The following RORB variants were observed in gnomAD, a reference collection of about 807,000 sequenced individuals.
The protein encoded by RORB is RAR related orphan receptor B, also known as nuclear receptor ROR-beta.
Under a neutral mutation model 59.1 loss-of-function variants are expected in RORB, and 6 were observed. The ratio of observed to expected loss-of-function variants is 0.10; its 90% CI spans 0.06 to 0.20. The LOEUF (loss-of-function observed/expected upper bound fraction) is 0.20. RORB is among the 10% of genes least tolerant of loss of function. The probability of loss-of-function intolerance (pLI) is 1.00; values close to 1 mark genes in which losing one functional copy is unlikely to be tolerated. For synonymous variants in RORB, 215 were observed against 204.5 expected (o/e 1.05, Z -0.44); for missense variants, 320 against 560.5 (o/e 0.57, Z 4.33).
intron 1 of RORB, among the ~76,000 whole-genome samples, chr9:74,576,249 T>C (rs1430121691): frequency 6.6e-6 from 1 of 152,116 alleles, no homozygotes; most frequent in Non-Finnish European, 1.5e-5. Context: ...ATGAAAGCTT[T>C]TGTGGATGCA....
At chr9:74,559,471 A>G (rs1822362558) in intron 1 of RORB, among the ~76,000 whole-genome samples, 1 of 152,320 alleles carries the variant, frequency 6.6e-6, no homozygotes, top group East Asian at 1.9e-4. Flanking sequence ...CCCATTTCAT[A>G]TAACCTTAGC....
intron 1 of RORB, among the ~76,000 whole-genome samples, chr9:74,507,825 A>G (rs1825889500): frequency 6.6e-6 from 1 of 152,036 alleles, no homozygotes; most frequent in African/African-American, 2.4e-5. Flanking sequence ...AAGACTTTTA[A>G]AGAAAGGAGA....
At chr9:74,578,642 A>C (rs180695119) in intron 1 of RORB, among the ~76,000 whole-genome samples, 1 of 151,134 alleles carries the variant, frequency 6.6e-6, no homozygotes, top group Non-Finnish European at 1.5e-5. Context: ...GCTGTAAAAG[A>C]TATTTTATTT....
At chr9:74,644,224 T>C (rs1274999228) in intron 4 of RORB, among the ~76,000 whole-genome samples, 11 of 152,180 alleles carry the variant, frequency 7.2e-5, no homozygotes. Flanking sequence ...TTCTCCCTTT[T>C]AGCAATGCAG....
intron 1 of RORB, among the ~76,000 whole-genome samples, chr9:74,531,614 A>G (rs879674342): frequency 6.6e-6 from 1 of 152,044 alleles, no homozygotes; most frequent in Non-Finnish European, 1.5e-5. Context: ...TAACCACTGC[A>G]TAATTGCCTT....
At chr9:74,625,180 A>C (rs1823488879) in intron 1 of RORB, among the ~76,000 whole-genome samples, 1 of 152,206 alleles carries the variant, frequency 6.6e-6, no homozygotes, top group Admixed American at 6.5e-5. Flanking sequence ...CAGGTGATTT[A>C]TGTGGTAGAG....
At chr9:74,664,908 G>A (rs925697968) in intron 6 of RORB, among the ~76,000 whole-genome samples, 5 of 152,206 alleles carry the variant, frequency 3.3e-5, no homozygotes, top group African/African-American at 1.2e-4. Context: ...TGTTAATAAT[G>A]CTCAAAGGGA....
At chr9:74,514,386 C>T (rs1825981189) in intron 1 of RORB, among the ~76,000 whole-genome samples, 1 of 151,942 alleles carries the variant, frequency 6.6e-6, no homozygotes, top group Non-Finnish European at 1.5e-5. Flanking sequence ...CATAAAATGT[C>T]AGAGTAGCAC....
chr9:74,660,708 C>T lies in RORB; in HGVS notation c.729C>T (p.Thr243=), dbSNP rs759254430. 6.2e-7 allele frequency: 1 copy of T among 1,613,556 alleles called. No homozygotes were observed. Among genetic ancestry groups the T allele is most frequent in the Non-Finnish European group, 8.5e-7 (1 of 1,179,826 alleles). Residue 243 remains threonine, a synonymous_variant, in exon 5 of 10, where the codon ACC becomes ACT. Coordinates refer to ENST00000376896, the MANE Select transcript of RORB (RefSeq NM_006914.4). ...ACCAGCTGGCGTGGCAGACCCACACCTATGAAGAAATTAAAGCATATCAAA... is the reference window on the plus strand; with the variant it reads ...ACCAGCTGGCGTGGCAGACCCACACTTATGAAGAAATTAAAGCATATCAAA... The part of the protein sequence containing the change: ...ELHQLAWQTH[T]YEEIKAYQSK...
chr9:74,636,720 C>T (rs972132432), intron 3 of RORB, among the ~76,000 whole-genome samples: 5 of 150,804 alleles, frequency 3.3e-5, no homozygotes, highest in African/African-American at 1.2e-4. Flanking sequence ...GCCTCCTAAG[C>T]ACATCTTATG....
chr9:74,549,854 G>T (rs528211655), intron 1 of RORB, among the ~76,000 whole-genome samples: 269 of 151,974 alleles, frequency 1.8e-3, no homozygotes, highest in African/African-American at 6.0e-3. Flanking sequence ...TTAGCCTCCC[G>T]AGTAGTTGGG....
chr9:74,557,730 A>G (rs1822328992), intron 1 of RORB, among the ~76,000 whole-genome samples: 1 of 152,084 alleles, frequency 6.6e-6, no homozygotes, highest in African/African-American at 2.4e-5. Context: ...TATCCCTCGC[A>G]ACTCAAGTAA....
intron 1 of RORB, among the ~76,000 whole-genome samples, chr9:74,550,365 C>CT (rs1189790750): frequency 1.3e-5 from 2 of 152,152 alleles, no homozygotes; most frequent in Non-Finnish European, 2.9e-5. Context: ...TGGTTCTTAA[C>CT]TTTGACCACA....
At chr9:74,660,010 G>T (rs1044469744) in intron 4 of RORB, among the ~76,000 whole-genome samples, 1 of 151,878 alleles carries the variant, frequency 6.6e-6, no homozygotes, top group Non-Finnish European at 1.5e-5. Flanking sequence ...ATATTGTATT[G>T]TGTACACCAC....
At chr9:74,578,557 T>A (rs530910051) in intron 1 of RORB, among the ~76,000 whole-genome samples, 1 of 152,182 alleles carries the variant, frequency 6.6e-6, no homozygotes, top group East Asian at 1.9e-4. Flanking sequence ...AGACAAAAAA[T>A]TAATAAAATT....
intron 1 of RORB, among the ~76,000 whole-genome samples, chr9:74,522,014 G>C (rs1173764024): frequency 1.3e-5 from 2 of 151,698 alleles, no homozygotes; most frequent in South Asian, 2.1e-4. Context: ...TTTGGCTTTT[G>C]TTTTCTGTTG....
intron 1 of RORB, among the ~76,000 whole-genome samples, chr9:74,626,154 G>A (rs1365953612): frequency 6.6e-6 from 1 of 152,058 alleles, no homozygotes; most frequent in Non-Finnish European, 1.5e-5. Flanking sequence ...GGGGTTTTCA[G>A]GGGGAGCTTG....
At chr9:74,649,174 T>A (rs999627652) in intron 4 of RORB, among the ~76,000 whole-genome samples, 1 of 152,032 alleles carries the variant, frequency 6.6e-6, no homozygotes, top group African/African-American at 2.4e-5. Flanking sequence ...GGTCTTGAAC[T>A]CCTGACCTCA....
At chr9:74,551,579 A>C (rs1826609494) in intron 1 of RORB, among the ~76,000 whole-genome samples, 1 of 152,228 alleles carries the variant, frequency 6.6e-6, no homozygotes, top group Non-Finnish European at 1.5e-5. Flanking sequence ...TTTTTGGACC[A>C]AGGTTGACGA....
Sources: allele counts gnomAD v4.1 joint callset (sites outside exome capture counted in the v4.1 genomes callset), GRCh38; gene constraint gnomAD v4.1.1; transcripts MANE v1.5; gene names NCBI Gene and HGNC (gene_info 2026-07-23, HGNC 2026-07-21).